TMEM178B: variants seen among roughly 807,000 people sequenced by gnomAD.
The protein encoded by TMEM178B is transmembrane protein 178B.
In TMEM178B, 5 loss-of-function variants were observed where a neutral mutation model predicts 31.0. The observed-to-expected ratio is 0.16, with a 90% CI of 0.08 to 0.34. TMEM178B has a LOEUF of 0.34. Among genes scored for constraint, TMEM178B ranks in the 10% least tolerant of loss-of-function variants. The probability of loss-of-function intolerance (pLI) is 1.00; values close to 1 mark genes in which losing one functional copy is unlikely to be tolerated. For synonymous variants in TMEM178B, 164 were observed against 164.0 expected, an observed-to-expected ratio of 1.00 and a Z score of 0.00; for missense variants, 275 against 400.3, an observed-to-expected ratio of 0.69 and a Z score of 2.67.
downstream of TMEM178B, among the ~76,000 whole-genome samples, chr7:141,483,509 T>C (rs550324043): frequency 3.5e-4 from 54 of 152,266 alleles, no homozygotes; most frequent in South Asian, 0.011. Context: ...CAGGTCTGGA[T>C]TGAAGTCCTT....
chr7:141,322,275 C>T (rs1489476019), intron 2 of TMEM178B, among the ~76,000 whole-genome samples: 1 of 151,732 alleles, frequency 6.6e-6, no homozygotes, highest in Non-Finnish European at 1.5e-5. Context: ...GCCTATAATC[C>T]CAGCACTTTG....
chr7:141,438,888 A>G (rs1158007019), intron 3 of TMEM178B, among the ~76,000 whole-genome samples: 1 of 151,204 alleles, frequency 6.6e-6, no homozygotes, highest in Non-Finnish European at 1.5e-5. Flanking sequence ...AAAAAAAGAA[A>G]GAAAAAGAAA....
At chr7:141,208,803 G>A (rs1172775240) in intron 1 of TMEM178B, among the ~76,000 whole-genome samples, 1 of 152,226 alleles carries the variant, frequency 6.6e-6, no homozygotes, top group African/African-American at 2.4e-5. Flanking sequence ...TTGAGTTTCT[G>A]TTGAGGCTGA....
chr7:141,445,780 A>C (rs1388934528), intron 3 of TMEM178B, among the ~76,000 whole-genome samples: 1 of 152,222 alleles, frequency 6.6e-6, no homozygotes, highest in African/African-American at 2.4e-5. Context: ...TCTGTGAGCT[A>C]TCATGGTGAA....
At chr7:141,429,950 T>C (rs1370058310) in intron 2 of TMEM178B, 1 of 152,252 alleles carries the variant, frequency 6.6e-6, no homozygotes, top group Admixed American at 6.5e-5. Context: ...AACTAAATCA[T>C]TGATGCTTTC....
At chr7:141,335,836 C>T (rs1340106606) in intron 2 of TMEM178B, among the ~76,000 whole-genome samples, 1 of 152,014 alleles carries the variant, frequency 6.6e-6, no homozygotes, top group Admixed American at 6.6e-5. Context: ...GTTCTGAGGC[C>T]ATGTTCTTTT....
At chr7:141,495,831 G>C in the TMEM178B span, among the ~76,000 whole-genome samples, 342 of 152,318 alleles carry the variant, frequency 2.2e-3, 3 homozygotes, top group Admixed American at 0.02. Flanking sequence ...TTTGATCTTA[G>C]AGGAGACTAG....
chr7:141,483,999 G>T (rs866859009), downstream of TMEM178B, among the ~76,000 whole-genome samples: 1 of 152,096 alleles, frequency 6.6e-6, no homozygotes, highest in African/African-American at 2.4e-5. Context: ...GCCTCCCAAA[G>T]TCCTGGGATT....
intron 2 of TMEM178B, among the ~76,000 whole-genome samples, chr7:141,332,196 C>T (rs1799311147): frequency 1.3e-5 from 2 of 152,198 alleles, no homozygotes; most frequent in Admixed American, 1.3e-4. Context: ...TAGTTTTGTT[C>T]ATTAATATAT....
At chr7:141,294,096 A>G (rs978768088) in intron 2 of TMEM178B, among the ~76,000 whole-genome samples, 4 of 152,142 alleles carry the variant, frequency 2.6e-5, no homozygotes, top group African/African-American at 9.7e-5. Flanking sequence ...CTTGGTGGTA[A>G]GGGATGTTGG....
chr7:141,079,123 G>T (rs1395037108), intron 1 of TMEM178B, among the ~76,000 whole-genome samples: 1 of 152,060 alleles, frequency 6.6e-6, no homozygotes, highest in Non-Finnish European at 1.5e-5. Context: ...CCCATCTCTA[G>T]TAAAAATACA....
At chr7:141,076,854 G>A (rs1163257394) in intron 1 of TMEM178B, among the ~76,000 whole-genome samples, 2 of 152,060 alleles carry the variant, frequency 1.3e-5, no homozygotes, top group Middle Eastern at 3.2e-3. Flanking sequence ...CACTGTCAGC[G>A]GCAAGCACCC....
chr7:141,172,290 C>T (rs916624772), intron 1 of TMEM178B, among the ~76,000 whole-genome samples: 5 of 152,176 alleles, frequency 3.3e-5, no homozygotes, highest in Non-Finnish European at 7.3e-5. Flanking sequence ...AGAGTGAAAC[C>T]TCTGATCTGC....
At chr7:141,353,432 G>A (rs890879969) in intron 2 of TMEM178B, among the ~76,000 whole-genome samples, 1 of 152,198 alleles carries the variant, frequency 6.6e-6, no homozygotes, top group Non-Finnish European at 1.5e-5. Flanking sequence ...ACTGTTGGTA[G>A]TTTCTTGAAC....
intron 2 of TMEM178B, among the ~76,000 whole-genome samples, chr7:141,323,185 C>G (rs1308630043): frequency 6.6e-6 from 1 of 152,170 alleles, no homozygotes; most frequent in African/African-American, 2.4e-5. Context: ...TAAAAATACT[C>G]TGTTTAAAAA....
chr7:141,198,854 C>T (rs72611558), intron 1 of TMEM178B, among the ~76,000 whole-genome samples: 5,279 of 152,274 alleles, frequency 0.035, 148 homozygotes, highest in East Asian at 0.15. Context: ...CTGCACCGGG[C>T]GTGTGGGGCC....
chr7:141,494,143 T>C, the TMEM178B span, among the ~76,000 whole-genome samples: 2 of 152,226 alleles, frequency 1.3e-5, no homozygotes, highest in Admixed American at 1.3e-4. Context: ...TGAAAGTAGC[T>C]TCTATCTCTA....
chr7:141,275,441 C>G (rs1043142423), intron 2 of TMEM178B, among the ~76,000 whole-genome samples: 1 of 152,186 alleles, frequency 6.6e-6, no homozygotes, highest in African/African-American at 2.4e-5. Context: ...TGTAACACCC[C>G]ACTCGTCTGC....
chr7:141,322,989 AT>A (rs1260065025), intron 2 of TMEM178B, among the ~76,000 whole-genome samples: 2 of 152,034 alleles, frequency 1.3e-5, no homozygotes, highest in Non-Finnish European at 2.9e-5. Context: ...CCATTTCCTT[AT>A]GTGCCCTTTT....
Sources: allele counts gnomAD v4.1 joint callset (sites outside exome capture counted in the v4.1 genomes callset), GRCh38; gene constraint gnomAD v4.1.1; transcripts MANE v1.5; gene names NCBI Gene and HGNC (gene_info 2026-07-23, HGNC 2026-07-21).